Variants in ODAD1 observed in about 807,000 individuals in gnomAD.
The protein encoded by ODAD1 is outer dynein arm-docking complex subunit 1.
A neutral mutation model predicts 67.2 loss-of-function variants in ODAD1; 49 were observed. The observed-to-expected ratio is 0.73, with a 90% confidence interval of 0.58 to 0.92. ODAD1 has a LOEUF of 0.92. ODAD1 is among the 40% of genes least tolerant of loss of function. The pLI, the probability that ODAD1 is intolerant of heterozygous loss-of-function variation, is 0.00. For missense variants in ODAD1, 897 were observed against 953.7 expected, an observed-to-expected ratio of 0.94 and a Z score of 0.78; for synonymous variants, 345 against 393.7, an observed-to-expected ratio of 0.88 and a Z score of 1.46.
At chr19:48,308,058 G>T (rs1427636935) in intron 7 of ODAD1, among the ~76,000 whole-genome samples, 2 of 152,136 alleles carry the variant, frequency 1.3e-5, no homozygotes, top group African/African-American at 4.8e-5. Context: ...CAAATCTGGG[G>T]CAATTTGAAT....
In ODAD1 at chr19:48,297,133, CT is replaced by C. The variant is rs1297971532; in HGVS notation, c.1966del (p.Ser656AlafsTer128). 2.5e-6 allele frequency: 4 copies of C among 1,614,110 alleles called. No homozygotes were observed. In the East Asian group the frequency reaches 8.9e-5, roughly 36 times the overall value. ...ACCCTCTGTGTTTTCTCCGCCCCTG[CT>C]GGACCCCACGTATCCAGTGGAGCCC... The part of the protein sequence containing the change: ...YLGSTGYVGS[S>X]RGGENTEGGV... On this transcript the variant is annotated frameshift_variant, in exon 16 of 16. Coordinates refer to ENST00000674294, the MANE Select transcript of ODAD1 (RefSeq NM_001364171.2). LOFTEE classifies it low-confidence loss of function (END_TRUNC).
chr19:48,297,424 C>T lies in ODAD1; in HGVS notation c.1676G>A (p.Ser559Asn). The change falls in exon 16 of 16, where the codon AGC (serine) becomes AAC (asparagine). Residue 559 changes from serine to asparagine, a missense_variant. Coordinates refer to ENST00000674294, the MANE Select transcript of ODAD1 (RefSeq NM_001364171.2). ...GGTACTGGAGCCGGCCCTCTGGGTG[C>T]TGGCCAGGTCCACGCTCAGGGTGCC... is the stretch of plus-strand genomic sequence containing the variant. ...LDGTLSVDLA[S>N]TQRAGSSTVL... 2 of 1,604,380 alleles carry T rather than the reference C, an allele frequency of 1.2e-6. No homozygotes were observed. The highest frequency in any genetic ancestry group is 1.7e-6 in the Non-Finnish European group (2 of 1,179,444).
At chr19:48,301,018 G>T (rs2147312781) in intron 12 of ODAD1, 1 of 152,474 alleles carries the variant, frequency 6.6e-6, no homozygotes, top group South Asian at 2.1e-4. Flanking sequence ...CCAGCTACTG[G>T]AGAGGCTGAG....
At chr19:48,318,360 T>A in intron 5 of ODAD1, 27 bp downstream of exon 5, 1 of 1,540,030 alleles carries the variant, frequency 6.5e-7, no homozygotes, top group Non-Finnish European at 8.8e-7. Flanking sequence ...GTAAGCAGGA[T>A]CCGTAGAACC....
chr19:48,305,922 G>C (rs765177997), intron 8 of ODAD1, among the ~76,000 whole-genome samples: 1 of 151,858 alleles, frequency 6.6e-6, no homozygotes, highest in African/African-American at 2.4e-5. Context: ...AGCCAGCCAC[G>C]GTGCCGGGCA....
intron 3 of ODAD1, 23 bp downstream of exon 3, chr19:48,320,276 G>C: frequency 8.1e-7 from 1 of 1,227,362 alleles, no homozygotes; most frequent in South Asian, 1.3e-5. Context: ...ATGGGTGAAT[G>C]ATATAAAGAA....
chr19:48,312,658 C>T (rs941818049), intron 5 of ODAD1, among the ~76,000 whole-genome samples: 3 of 152,018 alleles, frequency 2.0e-5, no homozygotes, highest in Non-Finnish European at 4.4e-5. Flanking sequence ...CTCAAGTGAT[C>T]CACCCGCCTT....
intron 7 of ODAD1, among the ~76,000 whole-genome samples, chr19:48,307,348 T>C (rs1196725990): frequency 1.3e-5 from 2 of 152,174 alleles, no homozygotes; most frequent in Admixed American, 6.5e-5. Context: ...CCCAATACTT[T>C]GTGAGGCCAA....
intron 5 of ODAD1, among the ~76,000 whole-genome samples, chr19:48,317,207 A>AATGT (rs558986627): frequency 1.5e-4 from 23 of 148,808 alleles, no homozygotes; most frequent in African/African-American, 6.0e-4. Context: ...CACATTAAAA[A>AATGT]ATGTATATAT....
chr19:48,311,448 A>G (rs1968759120), intron 7 of ODAD1, 105 bp downstream of exon 7: 1 of 697,088 alleles, frequency 1.4e-6, no homozygotes, highest in Non-Finnish European at 2.6e-6. Flanking sequence ...GCTCTAGTCA[A>G]TCCCATACTT....
intron 12 of ODAD1, among the ~76,000 whole-genome samples, chr19:48,301,473 A>G (rs1968460903): frequency 6.6e-6 from 1 of 152,156 alleles, no homozygotes; most frequent in Non-Finnish European, 1.5e-5. Flanking sequence ...ACAGTGAATG[A>G]CACATAATAA....
rs75495958 is a variant in ODAD1, at chr19:48,315,845, C to T, written c.360+2542G>A. Among the ~76,000 whole-genome samples the T allele has an allele frequency of 7.9e-3, 1,205 of 152,144 alleles. 15 individuals are homozygous for T. Among genetic ancestry groups the T allele is most frequent in the African/African-American group, 0.028 (1,150 of 41,504 alleles). On this transcript the variant is annotated intron_variant, in intron 5 of 15. Transcript: ENST00000674294. Reference sequence around the variant, plus strand: ...CACCCATGTTGTGTGTATCAATAGCCGGTTCCTTTTATTCATGAGTCACAT... The same window carrying T: ...CACCCATGTTGTGTGTATCAATAGCTGGTTCCTTTTATTCATGAGTCACAT...
intron 5 of ODAD1, among the ~76,000 whole-genome samples, chr19:48,316,392 A>C (rs1968900628): frequency 6.7e-6 from 1 of 148,598 alleles, no homozygotes; most frequent in Non-Finnish European, 1.5e-5. Flanking sequence ...AAAAAAAAAC[A>C]AACCTGCCTA....
At position 48,320,365 on chromosome 19, in the gene ODAD1, G is replaced by T; in HGVS notation, c.4C>A (p.Pro2Thr). M[P>T]LGRLAGSARS... ...GCGCTCCCTGCCAAGCGTCCCAAAG[G>T]CATCCTGGCCAAACAGGGTGGGGCT... The change falls in exon 3 of 16, where the codon CCT becomes ACT. Residue 2 changes from proline to threonine, a missense_variant. Pro to Thr is a conservative substitution (Grantham distance 38, BLOSUM62 -1). Coordinates refer to ENST00000674294, the MANE Select transcript of ODAD1 (RefSeq NM_001364171.2). The T allele has an allele frequency of 7.8e-7, 1 of 1,288,796 alleles. No individual in the cohort carries two copies. The highest frequency in any genetic ancestry group is 1.0e-6 in the Non-Finnish European group (1 of 988,242). 79.8% of individuals were successfully genotyped at this position (1,288,796 alleles called of 1,614,324 possible).
intron 5 of ODAD1, among the ~76,000 whole-genome samples, chr19:48,314,420 C>G (rs971034813): frequency 6.6e-6 from 1 of 152,196 alleles, no homozygotes; most frequent in African/African-American, 2.4e-5. Context: ...GCAGCCCTAA[C>G]AAACTAATCC....
At chr19:48,317,802 G>A (rs1386614815) in intron 5 of ODAD1, among the ~76,000 whole-genome samples, 1 of 151,788 alleles carries the variant, frequency 6.6e-6, no homozygotes, top group South Asian at 2.1e-4. Flanking sequence ...GCCGAGCACA[G>A]TGGCTCACGC....
chr19:48,318,751 G>C lies in ODAD1; in HGVS notation c.132C>G (p.Ala44=). The C allele has an allele frequency of 6.4e-7, 1 of 1,551,254 alleles. No homozygotes were observed. The highest frequency in any genetic ancestry group is 8.7e-7 in the Non-Finnish European group (1 of 1,146,766). The change falls in exon 4 of 16, where the codon GCC becomes GCG. Residue 44 remains alanine (A), a synonymous_variant. Transcript: ENST00000674294. ...QCKVMEGERR[A]YSKEVHQRIN... ...TGCGCTGGTGGACTTCCTTGCTGTAGGCCCGCCTCTCCCCTTCCATCACTT... is the reference window on the plus strand; with the variant it reads ...TGCGCTGGTGGACTTCCTTGCTGTACGCCCGCCTCTCCCCTTCCATCACTT...
At chr19:48,298,876 G>A (rs1041600727) in intron 12 of ODAD1, among the ~76,000 whole-genome samples, 1 of 152,160 alleles carries the variant, frequency 6.6e-6, no homozygotes, top group Non-Finnish European at 1.5e-5. Flanking sequence ...ACATCACCTA[G>A]CACAGGGCTC....
rs577575954 is a variant in ODAD1, at chr19:48,308,935, G to A, written c.598-2612C>T. 1.4e-4 allele frequency among the ~76,000 whole-genome samples: 21 copies of A among 152,024 alleles called. 2 individuals are homozygous for A. Among genetic ancestry groups the A allele is most frequent in the Admixed American group, 1.1e-3 (17 of 15,284 alleles). On this transcript the variant is annotated intron_variant, in intron 7 of 15. Transcript: ENST00000674294. ...CCACTCCAGGGAGCAGGCAGCAGCC[G>A]GGGACAAGCGAGGGTCCTGCCCCTT...
Sources: allele counts gnomAD v4.1 joint callset (sites outside exome capture counted in the v4.1 genomes callset), GRCh38; gene constraint gnomAD v4.1.1; transcripts MANE v1.5; gene names NCBI Gene and HGNC (gene_info 2026-07-23, HGNC 2026-07-21).